KCNK9: variants seen among roughly 807,000 people sequenced by gnomAD.
The protein encoded by KCNK9 is potassium channel subfamily K member 9.
In KCNK9, 1 loss-of-function variant was observed where a neutral mutation model predicts 10.8. That is an observed-to-expected ratio of 0.09 (90% CI 0.03 to 0.44). The LOEUF (loss-of-function observed/expected upper bound fraction) is 0.44, where lower values mean the gene tolerates loss of function less well. Among genes scored for constraint, KCNK9 ranks in the 20% least tolerant of loss-of-function variants. The pLI is 0.97. For synonymous variants in KCNK9, 231 were observed against 222.7 expected, an observed-to-expected ratio of 1.04 and a Z score of -0.33; for missense variants, 303 against 515.0, an observed-to-expected ratio of 0.59 and a Z score of 3.98.
At chr8:139,602,651 C>A (rs935941111) in intron 2 of KCNK9, among the ~76,000 whole-genome samples, 1 of 152,160 alleles carries the variant, frequency 6.6e-6, no homozygotes, top group African/African-American at 2.4e-5. Context: ...TGCAGATGAG[C>A]CAAGTGACCA....
chr8:139,661,248 C>T (rs558254018), intron 1 of KCNK9, among the ~76,000 whole-genome samples: 88 of 152,310 alleles, frequency 5.8e-4, no homozygotes, highest in Admixed American at 9.1e-4. Flanking sequence ...CACCATATGC[C>T]CCACATCCCA....
chr8:139,663,682 T>TGTGTGTGTGTGTGTGTGTGTGTGTGTGTG (rs1554624294), intron 1 of KCNK9, among the ~76,000 whole-genome samples: 2 of 145,758 alleles, frequency 1.4e-5, no homozygotes, highest in African/African-American at 5.1e-5. Flanking sequence ...TGTGTGTGTG[T>TGTGTGTGTGTGTGTGTGTGTGTGTGTGTG]TAGAGAGAGA....
chr8:139,663,347 G>C (rs985205859), intron 1 of KCNK9, among the ~76,000 whole-genome samples: 1 of 152,052 alleles, frequency 6.6e-6, no homozygotes, highest in Non-Finnish European at 1.5e-5. Context: ...CCTCCCATCC[G>C]CTCTTGGGGG....
intron 1 of KCNK9, among the ~76,000 whole-genome samples, chr8:139,697,171 G>A (rs564724461): frequency 7.2e-6 from 1 of 138,502 alleles, no homozygotes; most frequent in East Asian, 2.0e-4. Context: ...TAGATGGGTG[G>A]GTGGACAGAT....
intron 2 of KCNK9, among the ~76,000 whole-genome samples, chr8:139,606,970 A>G (rs1245241112): frequency 3.3e-5 from 5 of 152,152 alleles, no homozygotes; most frequent in African/African-American, 1.2e-4. Context: ...TCTCCCCCAC[A>G]TCCCCCCGCA....
At chr8:139,656,564 C>T (rs531639925) in intron 1 of KCNK9, among the ~76,000 whole-genome samples, 1 of 152,368 alleles carries the variant, frequency 6.6e-6, no homozygotes, top group East Asian at 1.9e-4. Context: ...ATGACACCTG[C>T]CCCGGGAAGC....
intron 1 of KCNK9, among the ~76,000 whole-genome samples, chr8:139,668,912 C>T (rs1816364464): frequency 6.6e-6 from 1 of 152,174 alleles, no homozygotes; most frequent in African/African-American, 2.4e-5. Context: ...CAGCTCACAT[C>T]TATTCTCCAT....
At chr8:139,668,557 G>C (rs1170813200) in intron 1 of KCNK9, among the ~76,000 whole-genome samples, 1 of 152,040 alleles carries the variant, frequency 6.6e-6, no homozygotes, top group Non-Finnish European at 1.5e-5. Context: ...AAGTAGCTGG[G>C]ATTACAGGTG....
chr8:139,620,250 T>G (rs1018567174), intron 1 of KCNK9, among the ~76,000 whole-genome samples: 1 of 152,166 alleles, frequency 6.6e-6, no homozygotes, highest in Admixed American at 6.5e-5. Flanking sequence ...GACAGAAATT[T>G]TGAAGGATGT....
chr8:139,669,274 A>G (rs192714853), intron 1 of KCNK9, among the ~76,000 whole-genome samples: 7 of 152,298 alleles, frequency 4.6e-5, no homozygotes. Context: ...TGAGACAACA[A>G]TGAAGTTTGC....
intron 1 of KCNK9, among the ~76,000 whole-genome samples, chr8:139,631,239 T>C (rs1431896805): frequency 6.6e-6 from 1 of 152,250 alleles, no homozygotes; most frequent in Non-Finnish European, 1.5e-5. Context: ...CCTTTCAGCA[T>C]TGACAAAAGA....
rs371899074 is a variant in KCNK9, at chr8:139,688,022, ATG to A, written c.283+14686_283+14687del. ...TAATCACACCAAATACCTAACATTA[ATG>A]TGTGTGTGTGTGTTTAAATTACAGA... On this transcript the variant is annotated intron_variant, in intron 1 of 1. Coordinates refer to ENST00000520439, the MANE Select transcript of KCNK9 (RefSeq NM_001282534.2). Among the ~76,000 whole-genome samples, 91 of 151,948 alleles carry A rather than the reference ATG, an allele frequency of 6.0e-4. No homozygotes were observed. In the South Asian group the frequency reaches 0.012, roughly 20 times the overall value.
chr8:139,686,282 G>C (rs563427846), intron 1 of KCNK9, among the ~76,000 whole-genome samples: 1 of 152,166 alleles, frequency 6.6e-6, no homozygotes, highest in Non-Finnish European at 1.5e-5. Flanking sequence ...CTAAACTAAA[G>C]AGCTTCTGCA....
At chr8:139,695,070 C>A (rs1317578434) in intron 1 of KCNK9, among the ~76,000 whole-genome samples, 1 of 152,258 alleles carries the variant, frequency 6.6e-6, no homozygotes, top group Non-Finnish European at 1.5e-5. Flanking sequence ...TCAACCACCC[C>A]TTCCTTTCTT....
intron 1 of KCNK9, among the ~76,000 whole-genome samples, chr8:139,655,868 G>T (rs937090474): frequency 3.9e-5 from 6 of 152,198 alleles, no homozygotes; most frequent in Non-Finnish European, 8.8e-5. Context: ...CCTACAGCGA[G>T]GGGGAGACAG....
intron 1 of KCNK9, among the ~76,000 whole-genome samples, chr8:139,620,764 T>A (rs1814752856): frequency 6.6e-6 from 1 of 151,952 alleles, no homozygotes; most frequent in African/African-American, 2.4e-5. Context: ...AACCCCTTAG[T>A]CCTTATGAAA....
rs528257648 is a variant in KCNK9 at position 139,617,459 on chromosome 8, A to C, written c.*799T>G. On this transcript the variant is annotated 3_prime_UTR_variant, in exon 2 of 2. Transcript: ENST00000520439. ...TGTTGATAGCGCATACCAGTTTAAC[A>C]AAGTGCATGCTTTTTAAAAAATGTC... Among the ~76,000 whole-genome samples, 64 of 152,328 alleles carry C rather than the reference A, an allele frequency of 4.2e-4. No homozygotes were observed. Among genetic ancestry groups the C allele is most frequent in the Non-Finnish European group, 7.8e-4 (53 of 68,038 alleles).
intron 1 of KCNK9, among the ~76,000 whole-genome samples, chr8:139,676,549 T>A (rs7824739): frequency 0.012 from 1,842 of 152,152 alleles, 40 homozygotes; most frequent in African/African-American, 0.04. Context: ...AGCCTGCCCC[T>A]GATTCTGAGA....
intron 1 of KCNK9, among the ~76,000 whole-genome samples, chr8:139,646,983 G>A (rs1313001992): frequency 1.3e-5 from 2 of 152,210 alleles, no homozygotes; most frequent in Non-Finnish European, 2.9e-5. Flanking sequence ...TGCACAAGGC[G>A]GGGTGTGCAG....
Sources: gnomAD v4.1 joint callset for allele counts (sites outside exome capture counted in the v4.1 genomes callset) on GRCh38, gnomAD v4.1.1 for gene constraint, MANE v1.5 for transcripts, NCBI Gene and HGNC (gene_info 2026-07-23, HGNC 2026-07-21) for gene names.